ILDR2: variants seen among roughly 807,000 people sequenced by gnomAD.
ILDR2 encodes immunoglobulin like domain containing receptor 2.
Under a neutral mutation model 66.8 loss-of-function variants are expected in ILDR2, and 25 were observed. That is an observed-to-expected ratio of 0.37 (90% CI 0.27 to 0.52). The LOEUF (loss-of-function observed/expected upper bound fraction) is 0.52. Among genes scored for constraint, ILDR2 ranks in the 20% least tolerant of loss-of-function variants. ILDR2 has a pLI of 0.88. For missense variants in ILDR2, 827 were observed against 876.8 expected (o/e 0.94, Z 0.72); for synonymous variants, 367 against 357.2 (o/e 1.03, Z -0.31).
In ILDR2 at chr1:166,916,382, A is replaced by T. The variant is rs1659643996; in HGVS notation, c.*2973T>A. ...TATAATTTATCCATAGCACTATTTC[A>T]TACTCTATGTATAAAATCTCCTTTC... On this transcript the variant is annotated 3_prime_UTR_variant, in exon 10 of 10. Transcript: ENST00000271417. The T allele has an allele frequency of 6.6e-6, 1 of 152,252 alleles. No individual in the cohort carries two copies. The highest frequency in any genetic ancestry group is 2.1e-4 in the South Asian group (1 of 4,832). The allele number at this position is 152,252 out of a possible 1,614,324, so 9.4% of individuals were successfully genotyped here.
chr1:166,938,702 ATC>A (rs1661130549), intron 4 of ILDR2, among the ~76,000 whole-genome samples: 1 of 152,214 alleles, frequency 6.6e-6, no homozygotes. Context: ...GATATTTTAT[ATC>A]TCTGTTGCTA....
rs573103437 is a variant in ILDR2, at chr1:166,917,781, C to T, written c.*1574G>A. On this transcript the variant is annotated 3_prime_UTR_variant, in exon 10 of 10. Coordinates refer to ENST00000271417, the MANE Select transcript of ILDR2 (RefSeq NM_199351.3). Reference sequence around the variant, plus strand: ...CTAGGCAGTTCTTCTATTGGTATCACCTGGACTCACCCATGTCTGCATCAG... The same window carrying T: ...CTAGGCAGTTCTTCTATTGGTATCATCTGGACTCACCCATGTCTGCATCAG... 1 of 152,220 alleles carries T rather than the reference C, an allele frequency of 6.6e-6. No homozygotes were observed. The highest frequency in any genetic ancestry group is 1.5e-5 in the Non-Finnish European group (1 of 68,044). 9.4% of individuals were successfully genotyped at this position (152,220 alleles called of 1,614,324 possible). A position where few individuals can be genotyped will look rare whatever the true frequency, so the allele number is the denominator to read the frequency against.
chr1:166,909,776 TA>T lies in ILDR2; in HGVS notation c.*9578del, dbSNP rs1557921348. ...ATATATATAAATATATATAAATATATATATTTATATATATATATATATATAT... is the reference window on the plus strand; with the variant it reads ...ATATATATAAATATATATAAATATATTATTTATATATATATATATATATAT... On this transcript the variant is annotated 3_prime_UTR_variant, in exon 10 of 10. Coordinates refer to ENST00000271417, the MANE Select transcript of ILDR2 (RefSeq NM_199351.3). The T allele has an allele frequency of 6.8e-5, 2 of 29,450 alleles. No individual in the cohort carries two copies. The highest frequency in any genetic ancestry group is 1.5e-4 in the African/African-American group (1 of 6,724). The allele number at this position is 29,450 out of a possible 1,614,324, so 1.8% of individuals were successfully genotyped here.
chr1:166,939,259 AGC>A (rs1661169355), intron 4 of ILDR2, among the ~76,000 whole-genome samples: 1 of 152,212 alleles, frequency 6.6e-6, no homozygotes, highest in Non-Finnish European at 1.5e-5. Flanking sequence ...ATTGCCAAAG[AGC>A]CTGCATGCCT....
intron 2 of ILDR2, 93 bp from the exon 3 acceptor site, chr1:166,956,945 G>A (rs1662316402): frequency 5.3e-6 from 7 of 1,314,996 alleles, no homozygotes; most frequent in South Asian, 1.4e-5. Flanking sequence ...GAAACCTTCT[G>A]GGGTATCTGC....
rs1660889849 is a variant in ILDR2 at position 166,935,402 on chromosome 1, G to A, written c.779C>T (p.Pro260Leu). The A allele has an allele frequency of 1.9e-6, 3 of 1,613,952 alleles. No individual in the cohort carries two copies. The highest frequency in any genetic ancestry group is 1.1e-5 in the South Asian group (1 of 91,058). The change falls in exon 6 of 10, where the codon CCC (proline) becomes CTC (leucine). Residue 260 changes from proline (P) to leucine (L), a missense_variant. Around this residue, in one of 2 missense-constraint regions of ILDR2, gnomAD observed 437 missense variants for 523.2 expected, o/e 0.84. Transcript: ENST00000271417. ...GGGGGCTCCTCCCAAAGGGACAGAGGGGATGGAGTAAGGGCCGGGGACACC... is the reference window on the plus strand; with the variant it reads ...GGGGGCTCCTCCCAAAGGGACAGAGAGGATGGAGTAAGGGCCGGGGACACC... ...VSGVPGPYSI[P>L]SVPLGGAPSS...
rs150822649 is a variant in ILDR2, at chr1:166,970,359, G to A, written c.46+4864C>T. ...AAAAATAAATAACTGGGTCTCCCTT[G>A]ATGGCTCTTCCTGGGTAAATCATAA... On this transcript the variant is annotated intron_variant, in intron 1 of 9. Coordinates refer to ENST00000271417, the MANE Select transcript of ILDR2 (RefSeq NM_199351.3). Among the ~76,000 whole-genome samples the A allele has an allele frequency of 5.1e-3, 772 of 152,248 alleles. 5 individuals carry two copies. The highest frequency in any genetic ancestry group is 0.01 in the Middle Eastern group (3 of 294).
intron 1 of ILDR2, among the ~76,000 whole-genome samples, chr1:166,958,433 G>A (rs565212102): frequency 6.6e-6 from 1 of 152,116 alleles, no homozygotes; most frequent in African/African-American, 2.4e-5. Context: ...AAAAGTGTGT[G>A]GTACTTCCCC....
intron 7 of ILDR2, among the ~76,000 whole-genome samples, chr1:166,926,596 C>G (rs1660309563): frequency 6.6e-6 from 1 of 151,660 alleles, no homozygotes; most frequent in Non-Finnish European, 1.5e-5. Flanking sequence ...TTGGAAAAAA[C>G]TGATACTTAA....
At chr1:166,953,918 T>C (rs1365983000) in intron 3 of ILDR2, among the ~76,000 whole-genome samples, 1 of 152,234 alleles carries the variant, frequency 6.6e-6, no homozygotes. Flanking sequence ...CTCCAGTTGT[T>C]AATGTTAGAT....
intron 7 of ILDR2, among the ~76,000 whole-genome samples, chr1:166,924,125 A>G (rs866538257): frequency 6.6e-6 from 1 of 152,244 alleles, no homozygotes; most frequent in South Asian, 2.1e-4. Flanking sequence ...CACGAATGCC[A>G]TTCAATTTTA....
rs960359512 is a variant in ILDR2, at chr1:166,912,441, T to G, written c.*6914A>C. ...TGTAGAAAAAACACGTGGGTGATTC[T>G]AAACAAATACTTTATAAATAAAAAC... is the stretch of plus-strand genomic sequence containing the variant. On this transcript the variant is annotated 3_prime_UTR_variant, in exon 10 of 10. Coordinates refer to ENST00000271417, the MANE Select transcript of ILDR2 (RefSeq NM_199351.3). The G allele has an allele frequency of 2.0e-5, 3 of 152,126 alleles. No homozygotes were observed. Among genetic ancestry groups the G allele is most frequent in the Non-Finnish European group, 4.4e-5 (3 of 67,996 alleles). The allele number at this position is 152,126 out of a possible 1,614,324, so 9.4% of individuals were successfully genotyped here. A position where few individuals can be genotyped will look rare whatever the true frequency, so the allele number is the denominator to read the frequency against.
chr1:166,935,909 A>G (rs1660946022), intron 5 of ILDR2, among the ~76,000 whole-genome samples: 1 of 152,182 alleles, frequency 6.6e-6, no homozygotes, highest in Non-Finnish European at 1.5e-5. Context: ...GGGCTTGCAC[A>G]TGGTCCTTGC....
chr1:166,964,459 C>T (rs896849826), intron 1 of ILDR2, among the ~76,000 whole-genome samples: 1 of 152,198 alleles, frequency 6.6e-6, no homozygotes, highest in African/African-American at 2.4e-5. Flanking sequence ...ATTTGGTTGA[C>T]TTTGTATCCC....
chr1:166,966,208 A>T (rs1002546278), intron 1 of ILDR2, among the ~76,000 whole-genome samples: 5 of 152,150 alleles, frequency 3.3e-5, no homozygotes. Flanking sequence ...CTATTTTCTG[A>T]GCCTCATTCT....
chr1:166,943,393 G>A (rs1053688036), intron 3 of ILDR2, among the ~76,000 whole-genome samples: 6 of 149,880 alleles, frequency 4.0e-5, no homozygotes, highest in Admixed American at 2.0e-4. Context: ...TCGGGAGGCT[G>A]AGGCAGGAGA....
In ILDR2 at chr1:166,921,298, C is replaced by G; in HGVS notation, c.1293G>C (p.Ala431=). Residue 431 remains alanine, a synonymous_variant, in exon 9 of 10, where the codon GCG becomes GCC. Transcript: ENST00000271417. The surrounding 1 kb of genome is among the most constrained non-coding windows in gnomAD (Gnocchi z 5.3). ...GVPAVSMDEL[A]AFADSYGQRP... ...GCTGGCCGTAGGAGTCAGCGAAGGCCGCCAGCTCGTCCATGGAAACGGCCG... is the reference window on the plus strand; with the variant it reads ...GCTGGCCGTAGGAGTCAGCGAAGGCGGCCAGCTCGTCCATGGAAACGGCCG... 1 of 1,596,044 alleles carries G rather than the reference C, an allele frequency of 6.3e-7. No individual in the cohort carries two copies. The highest frequency in any genetic ancestry group is 8.6e-7 in the Non-Finnish European group (1 of 1,169,372).
At position 166,913,165 on chromosome 1, in the gene ILDR2, T is replaced by A. The variant is rs1648735430; in HGVS notation, c.*6190A>T. The stretch of plus-strand genomic sequence containing the variant: ...AGGCCATTTAATGTCAGATCATGAT[T>A]AACCATAGTTGTGTTAATTATGAGT... On this transcript the variant is annotated 3_prime_UTR_variant, in exon 10 of 10. Transcript: ENST00000271417. 6.6e-6 allele frequency: 1 copy of A among 152,246 alleles called. No homozygotes were observed. The highest frequency in any genetic ancestry group is 1.5e-5 in the Non-Finnish European group (1 of 68,036). 9.4% of individuals were successfully genotyped at this position (152,246 alleles called of 1,614,324 possible).
chr1:166,935,518 C>T, intron 5 of ILDR2, 41 bp from the exon 6 acceptor site: 1 of 1,502,992 alleles, frequency 6.7e-7, no homozygotes, highest in Non-Finnish European at 8.9e-7. Context: ...TACGTCGTCC[C>T]ACCCTCCACA....
Sources: gnomAD v4.1 joint callset for allele counts (sites outside exome capture counted in the v4.1 genomes callset) on GRCh38, gnomAD v4.1.1 for gene constraint, gnomAD v4.1.1 regional missense constraint, Gnocchi (gnomAD v3.1) non-coding constraint, MANE v1.5 for transcripts, NCBI Gene and HGNC (gene_info 2026-07-23, HGNC 2026-07-21) for gene names.